Variants in AP1G1 observed in about 807,000 individuals in gnomAD.
The protein encoded by AP1G1 is adaptor related protein complex 1 subunit gamma 1.
In AP1G1, 7 loss-of-function variants were observed where a neutral mutation model predicts 108.3. That is an observed-to-expected ratio of 0.06 (90% CI 0.04 to 0.12). The LOEUF (loss-of-function observed/expected upper bound fraction) is 0.12, where lower values mean the gene tolerates loss of function less well. Among genes scored for constraint, AP1G1 ranks in the 10% least tolerant of loss-of-function variants. The probability of loss-of-function intolerance (pLI) is 1.00; values close to 1 mark genes in which losing one functional copy is unlikely to be tolerated. For synonymous variants in AP1G1, 379 were observed against 353.5 expected, an observed-to-expected ratio of 1.07 and a Z score of -0.81; for missense variants, 756 against 1,010.7, an observed-to-expected ratio of 0.75 and a Z score of 3.42.
At chr16:71,787,868 C>A (rs1314982607) in intron 2 of AP1G1, among the ~76,000 whole-genome samples, 1 of 152,140 alleles carries the variant, frequency 6.6e-6, no homozygotes, top group African/African-American at 2.4e-5. Context: ...TTTTTAGAAA[C>A]TATTCATGTG....
intron 19 of AP1G1, chr16:71,743,596 C>G (rs964740297): frequency 1.6e-5 from 2 of 126,008 alleles, no homozygotes; most frequent in Non-Finnish European, 3.3e-5. Flanking sequence ...GAGTGAGACT[C>G]TGTCTCAAAA....
At chr16:71,749,785 C>A (rs141450051) in intron 15 of AP1G1, 109 bp downstream of exon 15, 79 of 904,010 alleles carry the variant, frequency 8.7e-5, no homozygotes, top group Non-Finnish European at 1.3e-4. Flanking sequence ...GCCACCACGC[C>A]TGGCCTAAAA....
chr16:71,803,956 C>G (rs2032904136), intron 1 of AP1G1, among the ~76,000 whole-genome samples: 1 of 150,740 alleles, frequency 6.6e-6, no homozygotes, highest in South Asian at 2.1e-4. Flanking sequence ...CCTCTTTTCC[C>G]TTTTCTATTT....
In AP1G1 at chr16:71,789,481, C is replaced by T. The variant is rs371078939; in HGVS notation, c.-2G>A. ...CCGCAATCTGATGGGGGCTGGCATC[C>T]TCTGGATATGGAAAGACATTAAATA... On this transcript the variant is annotated splice_region_variant and 5_prime_UTR_variant, in exon 2 of 23. Transcript: ENST00000299980. 8.1e-6 allele frequency: 13 copies of T among 1,613,786 alleles called. No individual in the cohort carries two copies. Among genetic ancestry groups the T allele is most frequent in the Non-Finnish European group, 1.1e-5 (13 of 1,179,834 alleles).
At chr16:71,786,719 A>G (rs1185782353) in intron 2 of AP1G1, among the ~76,000 whole-genome samples, 1 of 152,046 alleles carries the variant, frequency 6.6e-6, no homozygotes, top group East Asian at 1.9e-4. Context: ...TCGGCCTCCC[A>G]AAGTTCTGGG....
chr16:71,766,577 C>G, intron 6 of AP1G1: 1 of 318,634 alleles, frequency 3.1e-6, no homozygotes, highest in Non-Finnish European at 6.5e-6. Context: ...AAATAGTGTG[C>G]AAAGTGAATT....
chr16:71,803,847 C>T (rs986926538), intron 1 of AP1G1, among the ~76,000 whole-genome samples: 8 of 149,700 alleles, frequency 5.3e-5, no homozygotes, highest in African/African-American at 1.7e-4. Flanking sequence ...ATTGCTTGAA[C>T]CAGGGGGCGG....
intron 10 of AP1G1, among the ~76,000 whole-genome samples, chr16:71,760,377 T>C (rs1161125223): frequency 6.6e-6 from 1 of 151,778 alleles, no homozygotes; most frequent in Admixed American, 6.6e-5. Flanking sequence ...ACCCCGTCTC[T>C]ACTAAAAATA....
intron 19 of AP1G1, among the ~76,000 whole-genome samples, chr16:71,740,318 C>T (rs905844062): frequency 5.3e-5 from 8 of 152,162 alleles, no homozygotes; most frequent in African/African-American, 1.4e-4. Flanking sequence ...CCAGTTGTAA[C>T]AACCAAAAAT....
At chr16:71,743,439 TAAAAATACAA>T (rs1012027896) in intron 19 of AP1G1, 3 of 151,774 alleles carry the variant, frequency 2.0e-5, no homozygotes, top group Admixed American at 6.6e-5. Context: ...CCGTCTCTAC[TAAAAATACAA>T]AAAATTAGCC....
At chr16:71,769,740 T>G in intron 5 of AP1G1, 41 bp from the exon 6 acceptor site, 1 of 1,472,124 alleles carries the variant, frequency 6.8e-7, no homozygotes, top group Non-Finnish European at 9.5e-7. Context: ...ATGAGGCCTA[T>G]TATTCAATTT....
Position 71,775,019 on chromosome 16 carries a change from C to CT in AP1G1, c.202-428dup, listed in dbSNP as rs748508767. ...TACAGGCATGAGCCACCGCGCCTGG[C>CT]TTTTTTTTTTTTTTTTTTTTTTTGA... On this transcript the variant is annotated intron_variant, in intron 2 of 22. Coordinates refer to ENST00000299980, the MANE Select transcript of AP1G1 (RefSeq NM_001128.6). Among the ~76,000 whole-genome samples, 640 of 69,700 alleles carry CT rather than the reference C, an allele frequency of 9.2e-3. 3 individuals are homozygous for CT. Among genetic ancestry groups the CT allele is most frequent in the African/African-American group, 0.024 (372 of 15,480 alleles). The allele number at this position is 69,700 out of a possible 152,430, so 45.7% of individuals were successfully genotyped here.
rs1381700637 is a variant in AP1G1, at chr16:71,732,741, G to C, written c.*317C>G. ...GATTGCAGTCCTCTCCTCCAGACCA[G>C]CTGCTTATTTCCTCAGGGGCCCAGG... is the stretch of plus-strand genomic sequence containing the variant. On this transcript the variant is annotated 3_prime_UTR_variant, in exon 23 of 23. Transcript: ENST00000299980. 4.0e-6 allele frequency: 1 copy of C among 252,150 alleles called. No homozygotes were observed. Among genetic ancestry groups the C allele is most frequent in the Non-Finnish European group, 7.6e-6 (1 of 131,124 alleles). The allele number at this position is 252,150 out of a possible 1,614,324, so 15.6% of individuals were successfully genotyped here.
intron 2 of AP1G1, among the ~76,000 whole-genome samples, chr16:71,782,762 AG>A (rs140815875): frequency 0.037 from 5,655 of 152,170 alleles, 346 homozygotes; most frequent in African/African-American, 0.13. Context: ...CTGGGATTAC[AG>A]GTGTGAGCCA....
At chr16:71,756,466 C>T in intron 11 of AP1G1, 1 of 250,824 alleles carries the variant, frequency 4.0e-6, no homozygotes, top group Non-Finnish European at 7.5e-6. Flanking sequence ...AGTTAGAATA[C>T]CTGAGAGTCT....
chr16:71,782,440 A>G (rs538385739), intron 2 of AP1G1, among the ~76,000 whole-genome samples: 1 of 151,834 alleles, frequency 6.6e-6, no homozygotes, highest in South Asian at 2.1e-4. Context: ...CTGAGATTAC[A>G]AGTTTAGTCA....
chr16:71,772,258 T>C (rs186178793), intron 4 of AP1G1, among the ~76,000 whole-genome samples: 1 of 151,878 alleles, frequency 6.6e-6, no homozygotes, highest in Admixed American at 6.6e-5. Flanking sequence ...AGCCTCCAGG[T>C]GAGGGACTAC....
At chr16:71,797,165 AG>A (rs1441570969) in intron 1 of AP1G1, among the ~76,000 whole-genome samples, 1 of 152,114 alleles carries the variant, frequency 6.6e-6, no homozygotes, top group Non-Finnish European at 1.5e-5. Flanking sequence ...TAATCTTATT[AG>A]CAAAACCATA....
At chr16:71,753,646 C>T (rs1050734213) in intron 13 of AP1G1, 187 bp downstream of exon 13, 28 of 622,096 alleles carry the variant, frequency 4.5e-5, no homozygotes, top group Non-Finnish European at 6.3e-5. Context: ...TATATCCCAC[C>T]TTATCCTGCC....
Sources: allele counts gnomAD v4.1 joint callset (sites outside exome capture counted in the v4.1 genomes callset), GRCh38; gene constraint gnomAD v4.1.1; transcripts MANE v1.5; gene names NCBI Gene and HGNC (gene_info 2026-07-23, HGNC 2026-07-21).